FUBP1: variants seen among roughly 807,000 people sequenced by gnomAD.
The protein encoded by FUBP1 is far upstream element binding protein 1.
Under a neutral mutation model 94.9 loss-of-function variants are expected in FUBP1, and 16 were observed. The ratio of observed to expected loss-of-function variants is 0.17; its 90% CI spans 0.11 to 0.26. FUBP1 has a LOEUF of 0.26. Among genes scored for constraint, FUBP1 ranks in the 10% least tolerant of loss-of-function variants. FUBP1 has a pLI of 1.00. For missense variants in FUBP1, 583 were observed against 808.6 expected (o/e 0.72, Z 3.38); for synonymous variants, 279 against 254.9 (o/e 1.09, Z -0.90).
At chr1:77,966,255 A>G (rs1304531328) in intron 7 of FUBP1, among the ~76,000 whole-genome samples, 1 of 152,194 alleles carries the variant, frequency 6.6e-6, no homozygotes, top group Non-Finnish European at 1.5e-5. Flanking sequence ...AATAAGCTTA[A>G]GTGGGAGAGC....
At chr1:77,978,323 G>A (rs1352854939) in intron 1 of FUBP1, among the ~76,000 whole-genome samples, 3 of 152,206 alleles carry the variant, frequency 2.0e-5, no homozygotes, top group African/African-American at 7.2e-5. Flanking sequence ...AATAAGGGGG[G>A]CGGACTGGTG....
chr1:77,975,839 G>A (rs763477573), intron 1 of FUBP1, among the ~76,000 whole-genome samples: 2 of 151,122 alleles, frequency 1.3e-5, no homozygotes, highest in Admixed American at 1.3e-4. Flanking sequence ...TTTAGCTCAG[G>A]ATATTATAAA....
chr1:77,950,832 A>G (rs1363402851), intron 18 of FUBP1, among the ~76,000 whole-genome samples: 2 of 152,172 alleles, frequency 1.3e-5, no homozygotes, highest in Non-Finnish European at 2.9e-5. Flanking sequence ...GTCTATCACC[A>G]TTGTAAAACA....
chr1:77,965,589 A>T (rs1002530286), intron 7 of FUBP1, among the ~76,000 whole-genome samples: 1 of 152,238 alleles, frequency 6.6e-6, no homozygotes, highest in Admixed American at 6.5e-5. Flanking sequence ...CATATGCTAC[A>T]ATTATTCATT....
chr1:77,960,574 A>G, intron 14 of FUBP1, 79 bp from the exon 15 acceptor site: 1 of 1,163,266 alleles, frequency 8.6e-7, no homozygotes, highest in South Asian at 1.5e-5. Flanking sequence ...ATAATCATCC[A>G]TTTCTACCCT....
At chr1:77,950,510 G>C (rs1653224437) in intron 18 of FUBP1, among the ~76,000 whole-genome samples, 1 of 152,030 alleles carries the variant, frequency 6.6e-6, no homozygotes, top group Non-Finnish European at 1.5e-5. Context: ...CTTTGAAATG[G>C]TTCATACACA....
In FUBP1 at chr1:77,944,901, T is replaced by C. The variant is rs573924610; in HGVS notation, c.*3865A>G. ...CATTTCTAAAAGAAACATCAAACCA[T>C]AGAATTCTAAGTATCACCACACTAA... On this transcript the variant is annotated 3_prime_UTR_variant, in exon 20 of 20. Transcript: ENST00000370768. 2.6e-5 allele frequency among the ~76,000 whole-genome samples: 4 copies of C among 152,042 alleles called. No homozygotes were observed. The highest frequency in any genetic ancestry group is 2.1e-4 in the South Asian group (1 of 4,822).
Position 77,978,881 on chromosome 1 carries a change from T to C in FUBP1, c.120+4A>G. ...CGGGATTCCGCCGCGCGGTCCACAC[T>C]TACCTGCCGGGCTCTCTGCAGTGCA... On this transcript the variant is annotated splice_donor_region_variant and intron_variant, in intron 1 of 19. Coordinates refer to ENST00000370768, the MANE Select transcript of FUBP1 (RefSeq NM_003902.5). The C allele has an allele frequency of 3.7e-6, 6 of 1,613,634 alleles. No homozygotes were observed. The highest frequency in any genetic ancestry group is 5.1e-6 in the Non-Finnish European group (6 of 1,179,850).
chr1:77,965,011 G>A, intron 8 of FUBP1, 43 bp from the exon 9 acceptor site: 1 of 1,584,794 alleles, frequency 6.3e-7, no homozygotes, highest in Non-Finnish European at 8.7e-7. Context: ...AAAAGGAAGT[G>A]GACAAAAATG....
Position 77,951,810 on chromosome 1 carries a change from T to C in FUBP1, c.1781-2510A>G, listed in dbSNP as rs543600415. 4.6e-5 allele frequency among the ~76,000 whole-genome samples: 7 copies of C among 152,328 alleles called. No individual in the cohort carries two copies. The South Asian group carries it at 6.2e-4, about 14-fold the overall frequency. ...AGCCTAAGAGCCAGCCTTGCATGAA[T>C]AGATTTTCACACTCAGTTGTCTTCC... On this transcript the variant is annotated intron_variant, in intron 18 of 19. Transcript: ENST00000370768.
At chr1:77,972,294 G>A (rs1437826750) in intron 1 of FUBP1, among the ~76,000 whole-genome samples, 5 of 152,060 alleles carry the variant, frequency 3.3e-5, no homozygotes, top group African/African-American at 4.8e-5. Flanking sequence ...AATAGGAAAC[G>A]GTTTAGCCTA....
At chr1:77,961,177 T>C (rs1353185028) in intron 14 of FUBP1, among the ~76,000 whole-genome samples, 1 of 152,218 alleles carries the variant, frequency 6.6e-6, no homozygotes, top group East Asian at 1.9e-4. Context: ...TAATAACGCT[T>C]AACTGATTTC....
intron 1 of FUBP1, among the ~76,000 whole-genome samples, chr1:77,973,652 T>C (rs935056739): frequency 6.6e-6 from 1 of 152,194 alleles, no homozygotes; most frequent in Non-Finnish European, 1.5e-5. Flanking sequence ...TACTTTAACA[T>C]TTCTCACCTC....
At chr1:77,962,503 C>T (rs1260379078) in intron 14 of FUBP1, among the ~76,000 whole-genome samples, 4 of 152,196 alleles carry the variant, frequency 2.6e-5, no homozygotes, top group Admixed American at 2.0e-4. Flanking sequence ...TACACCAACA[C>T]TAATATCATG....
intron 6 of FUBP1, 58 bp from the exon 7 acceptor site, chr1:77,966,809 T>A (rs1430980038): frequency 7.8e-7 from 1 of 1,281,632 alleles, no homozygotes; most frequent in Non-Finnish European, 1.1e-6. Context: ...AGCATTATTG[T>A]TACTAGAAGG....
chr1:77,949,345 C>T (rs770283586), intron 18 of FUBP1, 45 bp from the exon 19 acceptor site: 24 of 1,499,532 alleles, frequency 1.6e-5, no homozygotes, highest in Non-Finnish European at 2.1e-5. Flanking sequence ...AATTATAAGC[C>T]CAACATCTCA....
chr1:77,950,439 C>G (rs1305365028), intron 18 of FUBP1, among the ~76,000 whole-genome samples: 1 of 152,172 alleles, frequency 6.6e-6, no homozygotes, highest in African/African-American at 2.4e-5. Context: ...GGATTACAGG[C>G]GTCAACCACT....
intron 18 of FUBP1, among the ~76,000 whole-genome samples, chr1:77,953,144 A>G (rs978762310): frequency 6.6e-6 from 1 of 151,858 alleles, no homozygotes; most frequent in Non-Finnish European, 1.5e-5. Flanking sequence ...AAACAACAAC[A>G]ACGAGATATG....
At position 77,968,427 on chromosome 1, in the gene FUBP1, T is replaced by C. The variant is rs530858868; in HGVS notation, c.212-224A>G. ...AGATGCACAGACATTAAAATAGTTATCTGATTCTTAAGAAATCACTGACCT... is the reference window on the plus strand; with the variant it reads ...AGATGCACAGACATTAAAATAGTTACCTGATTCTTAAGAAATCACTGACCT... On this transcript the variant is annotated intron_variant, in intron 2 of 19. Transcript: ENST00000370768. 3.3e-5 allele frequency among the ~76,000 whole-genome samples: 5 copies of C among 152,218 alleles called. No homozygotes were observed. In the East Asian group the frequency reaches 5.8e-4, roughly 18 times the overall value.
Sources: gnomAD v4.1 joint callset for allele counts (sites outside exome capture counted in the v4.1 genomes callset) on GRCh38, gnomAD v4.1.1 for gene constraint, MANE v1.5 for transcripts, NCBI Gene and HGNC (gene_info 2026-07-23, HGNC 2026-07-21) for gene names.